Variants in SEMA4F observed in about 807,000 individuals in gnomAD.
SEMA4F encodes the protein ssemaphorin 4F.
Under a neutral mutation model 78.4 loss-of-function variants are expected in SEMA4F, and 51 were observed. The ratio of observed to expected loss-of-function variants is 0.65; its 90% CI spans 0.52 to 0.82. The LOEUF (loss-of-function observed/expected upper bound fraction) is 0.82. Ranked by LOEUF, SEMA4F falls within the 40% of genes least tolerant of loss-of-function variation. SEMA4F has a pLI of 0.00. For synonymous variants in SEMA4F, 418 were observed against 408.7 expected (o/e 1.02, Z -0.27); for missense variants, 938 against 1,014.4 (o/e 0.92, Z 1.02).
At chr2:74,699,774 T>C in the SEMA4F span, among the ~76,000 whole-genome samples, 1 of 151,982 alleles carries the variant, frequency 6.6e-6, no homozygotes, top group African/African-American at 2.4e-5. Flanking sequence ...AGGAGGGTGT[T>C]CAAAATAGGG....
At position 74,675,744 on chromosome 2, in the gene SEMA4F, T is replaced by G; in HGVS notation, c.1483-5T>G. ...GTATTCCCCTTCCCCACTCCGTTTT[T>G]ATAGAGCTGGCTCCTGGTTGGCTCC... On this transcript the variant is annotated splice_region_variant and splice_polypyrimidine_tract_variant and intron_variant, in intron 11 of 13. Coordinates refer to ENST00000357877, the MANE Select transcript of SEMA4F (RefSeq NM_004263.5). The G allele has an allele frequency of 6.2e-7, 1 of 1,613,932 alleles. No homozygotes were observed. The highest frequency in any genetic ancestry group is 1.1e-5 in the South Asian group (1 of 91,028).
the SEMA4F span, among the ~76,000 whole-genome samples, chr2:74,694,056 TAA>T: frequency 6.6e-6 from 1 of 152,350 alleles, no homozygotes; most frequent in East Asian, 1.9e-4. Context: ...TAGACTCAGG[TAA>T]ACAGAGTTTA....
chr2:74,667,862 C>T (rs1684774944), intron 5 of SEMA4F, among the ~76,000 whole-genome samples: 1 of 152,160 alleles, frequency 6.6e-6, no homozygotes, highest in South Asian at 2.1e-4. Flanking sequence ...CCCATGGCTT[C>T]TGTTTCCACT....
rs765081364 is a variant in SEMA4F at position 74,673,417 on chromosome 2, T to G, written c.551-40T>G. The G allele has an allele frequency of 1.9e-6, 3 of 1,611,212 alleles. No homozygotes were observed. In the African/African-American group the frequency reaches 4.0e-5, roughly 22 times the overall value. ...CTGTGACCTCTGTTGCTTCCCTCAG[T>G]GGGTCCCTGATAGCCCATCTCCTCC... On this transcript the variant is annotated intron_variant, in intron 5 of 13. Transcript: ENST00000357877.
At chr2:74,708,096 T>C in the SEMA4F span, among the ~76,000 whole-genome samples, 1 of 151,584 alleles carries the variant, frequency 6.6e-6, no homozygotes, top group Non-Finnish European at 1.5e-5. Context: ...AAGTGGGCAA[T>C]AAATAACCCT....
chr2:74,665,691 C>T (rs1684656576), intron 5 of SEMA4F, among the ~76,000 whole-genome samples: 1 of 152,150 alleles, frequency 6.6e-6, no homozygotes, highest in Admixed American at 6.5e-5. Flanking sequence ...CTTCCTTATA[C>T]ATGTTTGAAT....
In SEMA4F at chr2:74,674,946, C is replaced by T. The variant is rs149043845; in HGVS notation, c.1060C>T (p.Leu354=). The stretch of plus-strand genomic sequence containing the variant: ...CCGACCACAAGACATTCGGACAGTG[C>T]TGAATGGTCCCTTCAGAGAACTAAA... ...AFRPQDIRTV[L]NGPFRELKHD... is the part of the protein sequence containing the mutation. The change falls in exon 9 of 14, where the codon CTG becomes TTG. Residue 354 remains leucine, a synonymous_variant. Coordinates refer to ENST00000357877, the MANE Select transcript of SEMA4F (RefSeq NM_004263.5). 2.9e-5 allele frequency: 46 copies of T among 1,613,912 alleles called. 1 individual carries two copies. In the South Asian group the frequency reaches 5.1e-4, roughly 18 times the overall value.
In SEMA4F at chr2:74,654,460, G is replaced by T. The variant is rs1395543674; in HGVS notation, c.84G>T (p.Leu28=). The T allele has an allele frequency of 1.3e-6, 2 of 1,575,132 alleles. No homozygotes were observed. The highest frequency in any genetic ancestry group is 1.8e-4 in the Middle Eastern group (1 of 5,406). ...TCCCGCTACTGCTGCTGGCGGTGCT[G>T]AGCGGCCCGGTATCCGGCCGCGTCC... ...SPFPLLLLAV[L]SGPVSGRVPR... The change falls in exon 1 of 14, where the codon CTG becomes CTT. Residue 28 remains leucine (L), a synonymous_variant. Transcript: ENST00000357877.
In SEMA4F at chr2:74,654,283, C is replaced by T; in HGVS notation, c.-94C>T. The T allele has an allele frequency of 9.0e-6, 12 of 1,332,840 alleles. No homozygotes were observed. The highest frequency in any genetic ancestry group is 1.8e-5 in the South Asian group (1 of 56,872). The allele number at this position is 1,332,840 out of a possible 1,614,324, so 82.6% of individuals were successfully genotyped here. A position where few individuals can be genotyped will look rare whatever the true frequency, so the allele number is the denominator to read the frequency against. On this transcript the variant is annotated 5_prime_UTR_variant, in exon 1 of 14. Coordinates refer to ENST00000357877, the MANE Select transcript of SEMA4F (RefSeq NM_004263.5). ...CAGCCTCAGGCTGAGCCGGACCGAG[C>T]CGAGAGGACCCGAGTGGGGCCGAGG...
chr2:74,688,071 T>G (rs942974707), downstream of SEMA4F, among the ~76,000 whole-genome samples: 1 of 152,204 alleles, frequency 6.6e-6, no homozygotes, highest in Non-Finnish European at 1.5e-5. Flanking sequence ...ACTGGTGGTG[T>G]TAGCCACATT....
rs1685737016 is a variant in SEMA4F, at chr2:74,683,697, G to A, written c.*3488G>A. The A allele has an allele frequency of 6.6e-6, 1 of 152,124 alleles. No individual in the cohort carries two copies. Among genetic ancestry groups the A allele is most frequent in the Non-Finnish European group, 1.5e-5 (1 of 68,018 alleles). The allele number at this position is 152,124 out of a possible 1,614,324, so 9.4% of individuals were successfully genotyped here. Reference sequence around the variant, plus strand: ...AGAACCAGAGGATTTTCTGCCCTTTGCTGGGAGCCACATGAGCCCCCTGGA... The same window carrying A: ...AGAACCAGAGGATTTTCTGCCCTTTACTGGGAGCCACATGAGCCCCCTGGA... On this transcript the variant is annotated 3_prime_UTR_variant, in exon 14 of 14. Coordinates refer to ENST00000357877, the MANE Select transcript of SEMA4F (RefSeq NM_004263.5).
the SEMA4F span, among the ~76,000 whole-genome samples, chr2:74,697,655 A>T: frequency 2.6e-5 from 4 of 152,138 alleles, no homozygotes; most frequent in Non-Finnish European, 5.9e-5. Context: ...GATCATTCAG[A>T]GGGAGTAGAG....
At chr2:74,704,154 G>A in the SEMA4F span, among the ~76,000 whole-genome samples, 3 of 151,910 alleles carry the variant, frequency 2.0e-5, no homozygotes, top group Non-Finnish European at 4.4e-5. Context: ...TAGGTGCTAA[G>A]TTTTTCTAAC....
the SEMA4F span, among the ~76,000 whole-genome samples, chr2:74,705,150 C>T: frequency 6.6e-6 from 1 of 152,278 alleles, no homozygotes; most frequent in South Asian, 2.1e-4. Flanking sequence ...AATACCATTT[C>T]CCCATGGCAA....
chr2:74,671,851 A>G (rs149007201), intron 5 of SEMA4F, among the ~76,000 whole-genome samples: 11 of 152,262 alleles, frequency 7.2e-5, no homozygotes, highest in Admixed American at 2.6e-4. Flanking sequence ...ACCTTGAGAG[A>G]CATTGGTTTA....
chr2:74,690,085 C>T, the SEMA4F span, among the ~76,000 whole-genome samples: 1 of 152,094 alleles, frequency 6.6e-6, no homozygotes, highest in Non-Finnish European at 1.5e-5. Context: ...AGCCTGAGTC[C>T]CATAATAAGT....
chr2:74,673,979 A>C, intron 7 of SEMA4F, 151 bp downstream of exon 7: 12 of 939,024 alleles, frequency 1.3e-5, no homozygotes, highest in Admixed American at 4.8e-5. Context: ...GAGGAATGTG[A>C]GAGAGAGGCT....
In SEMA4F at chr2:74,673,832, A is replaced by G. The variant is rs767022901; in HGVS notation, c.822+4A>G. On this transcript the variant is annotated splice_donor_region_variant and intron_variant, in intron 7 of 13. Transcript: ENST00000357877. The stretch of plus-strand genomic sequence containing the variant: ...ACGGGTGGCCCGTGTGTGTGCGGTG[A>G]GACCCCATCCCAGCTGTCTGTCTGT... 2 of 1,611,598 alleles carry G rather than the reference A, an allele frequency of 1.2e-6. No individual in the cohort carries two copies. Among genetic ancestry groups the G allele is most frequent in the Non-Finnish European group, 1.7e-6 (2 of 1,178,502 alleles).
the SEMA4F span, among the ~76,000 whole-genome samples, chr2:74,701,596 C>T: frequency 6.6e-6 from 1 of 152,314 alleles, no homozygotes; most frequent in African/African-American, 2.4e-5. Flanking sequence ...GTCCCTCCCC[C>T]AACCTCAGCA....
Sources: gnomAD v4.1 joint callset for allele counts (sites outside exome capture counted in the v4.1 genomes callset) on GRCh38, gnomAD v4.1.1 for gene constraint, MANE v1.5 for transcripts, NCBI Gene and HGNC (gene_info 2026-07-23, HGNC 2026-07-21) for gene names.